GLIS3: variants seen among roughly 807,000 people sequenced by gnomAD.
GLIS3 encodes GLIS family zinc finger 3, also known as zinc finger protein GLIS3.
Under a neutral mutation model 78.6 loss-of-function variants are expected in GLIS3, and 53 were observed. That is an observed-to-expected ratio of 0.67 (90% CI 0.54 to 0.85). The LOEUF (loss-of-function observed/expected upper bound fraction) is 0.85, where lower values mean the gene tolerates loss of function less well. GLIS3 is among the 40% of genes least tolerant of loss of function. GLIS3 has a pLI of 0.00. For synonymous variants in GLIS3, 684 were observed against 509.9 expected, an observed-to-expected ratio of 1.34 and a Z score of -4.60; for missense variants, 1,703 against 1,231.1, an observed-to-expected ratio of 1.38 and a Z score of -5.74.
chr9:4,236,031 C>G (rs569051518), intron 2 of GLIS3, among the ~76,000 whole-genome samples: 3 of 151,966 alleles, frequency 2.0e-5, no homozygotes, highest in Non-Finnish European at 4.4e-5. Flanking sequence ...ACACTCTACA[C>G]AAACCTGTGT....
intron 7 of GLIS3, among the ~76,000 whole-genome samples, chr9:3,893,809 C>T (rs928641088): frequency 2.0e-5 from 3 of 152,212 alleles, no homozygotes; most frequent in Admixed American, 1.3e-4. Context: ...GAATCAGAAA[C>T]GCTGGGGGTA....
the GLIS3 span, among the ~76,000 whole-genome samples, chr9:4,434,158 G>C: frequency 2.6e-5 from 4 of 151,446 alleles, no homozygotes; most frequent in African/African-American, 4.9e-5. Context: ...CTCAGAATTG[G>C]GTACTCAGGC....
chr9:4,234,328 A>G (rs1169885049), intron 2 of GLIS3, among the ~76,000 whole-genome samples: 1 of 152,224 alleles, frequency 6.6e-6, no homozygotes, highest in Non-Finnish European at 1.5e-5. Flanking sequence ...TTTCACTTGA[A>G]TACTTAAAGG....
chr9:4,152,235 G>A (rs556771902), intron 2 of GLIS3: 1 of 428,296 alleles, frequency 2.3e-6, no homozygotes. Context: ...AATCAGAAGT[G>A]ACTGGGAACC....
the GLIS3 span, among the ~76,000 whole-genome samples, chr9:4,355,920 G>A: frequency 1.3e-5 from 2 of 152,168 alleles, no homozygotes; most frequent in African/African-American, 4.8e-5. Context: ...TGATTAGCAT[G>A]CGTTTGGTAT....
chr9:4,162,331 C>T (rs1835548039), intron 2 of GLIS3, among the ~76,000 whole-genome samples: 1 of 152,146 alleles, frequency 6.6e-6, no homozygotes, highest in Non-Finnish European at 1.5e-5. Flanking sequence ...ACAAAAGTCA[C>T]ATTCTGAGGT....
chr9:3,835,756 C>A (rs1818312394), intron 9 of GLIS3, among the ~76,000 whole-genome samples: 2 of 152,200 alleles, frequency 1.3e-5, no homozygotes, highest in African/African-American at 4.8e-5. Flanking sequence ...ATAACTGTTA[C>A]TTTTACTTTT....
At chr9:4,373,824 C>T in the GLIS3 span, among the ~76,000 whole-genome samples, 9 of 152,032 alleles carry the variant, frequency 5.9e-5, no homozygotes, top group South Asian at 4.2e-4. Flanking sequence ...CGCACAACCA[C>T]GCCCAGTTAA....
chr9:3,843,324 C>T (rs530011282), intron 9 of GLIS3, among the ~76,000 whole-genome samples: 7 of 152,290 alleles, frequency 4.6e-5, no homozygotes, highest in South Asian at 2.1e-4. Flanking sequence ...TTTTTCCCTC[C>T]GAACCTCTGC....
intron 4 of GLIS3, among the ~76,000 whole-genome samples, chr9:3,999,588 T>C (rs2129897208): frequency 6.6e-6 from 1 of 152,100 alleles, no homozygotes; most frequent in East Asian, 1.9e-4. Flanking sequence ...TGTATAAATG[T>C]TCATTGAAAG....
At chr9:4,357,666 T>C in the GLIS3 span, among the ~76,000 whole-genome samples, 2 of 152,072 alleles carry the variant, frequency 1.3e-5, no homozygotes, top group East Asian at 3.9e-4. Flanking sequence ...GTGAACATCA[T>C]TCAACTTTCA....
intron 2 of GLIS3, among the ~76,000 whole-genome samples, chr9:4,207,713 G>C (rs905911485): frequency 1.3e-5 from 2 of 152,124 alleles, no homozygotes; most frequent in Non-Finnish European, 2.9e-5. Flanking sequence ...GGATATACTG[G>C]TTGCCCAAAG....
At chr9:4,094,247 C>T (rs1829764310) in intron 4 of GLIS3, among the ~76,000 whole-genome samples, 1 of 152,152 alleles carries the variant, frequency 6.6e-6, no homozygotes, top group Non-Finnish European at 1.5e-5. Context: ...TTCTTACCTA[C>T]CAGATTAGTA....
chr9:3,906,909 T>C (rs1206800171), intron 6 of GLIS3, among the ~76,000 whole-genome samples: 1 of 152,154 alleles, frequency 6.6e-6, no homozygotes, highest in African/African-American at 2.4e-5. Flanking sequence ...CCACGTAGCA[T>C]ACTATTCATT....
At chr9:4,350,063 G>A (rs573559484), upstream of GLIS3, among the ~76,000 whole-genome samples, 67 of 152,344 alleles carry the variant, frequency 4.4e-4, no homozygotes, top group African/African-American at 1.5e-3. Flanking sequence ...GAGTCAGATT[G>A]CAAGTTACAC....
intron 2 of GLIS3, among the ~76,000 whole-genome samples, chr9:4,229,067 T>A (rs1012827468): frequency 1.6e-4 from 24 of 152,186 alleles, no homozygotes; most frequent in Non-Finnish European, 2.9e-4. Flanking sequence ...CAAAATTAGT[T>A]GTTAGGTGTA....
chr9:3,989,798 C>T (rs1024326998), intron 4 of GLIS3, among the ~76,000 whole-genome samples: 3 of 152,146 alleles, frequency 2.0e-5, no homozygotes, highest in Non-Finnish European at 4.4e-5. Context: ...GCTGGAAATG[C>T]TTAGTATCTC....
chr9:4,473,637 T>G, the GLIS3 span, among the ~76,000 whole-genome samples: 2 of 151,886 alleles, frequency 1.3e-5, no homozygotes, highest in South Asian at 4.2e-4. Context: ...CTGGGGCTTA[T>G]CAGAGAGTGG....
intron 4 of GLIS3, among the ~76,000 whole-genome samples, chr9:4,042,550 C>G (rs1824909110): frequency 6.6e-6 from 1 of 152,088 alleles, no homozygotes; most frequent in African/African-American, 2.4e-5. Flanking sequence ...CCTGTTTTAC[C>G]CCAAATCTTC....
Sources: gnomAD v4.1 joint callset for allele counts (sites outside exome capture counted in the v4.1 genomes callset) on GRCh38, gnomAD v4.1.1 for gene constraint, MANE v1.5 for transcripts, NCBI Gene and HGNC (gene_info 2026-07-23, HGNC 2026-07-21) for gene names.